The following PTPRD variants were observed in gnomAD, a reference collection of about 807,000 sequenced individuals.
PTPRD encodes the protein protein tyrosine phosphatase receptor type D, also known as receptor-type tyrosine-protein phosphatase delta.
Under a neutral mutation model 214.5 loss-of-function variants are expected in PTPRD, and 34 were observed. That is an observed-to-expected ratio of 0.16 (90% CI 0.12 to 0.21). The LOEUF (loss-of-function observed/expected upper bound fraction) is 0.21, where lower values mean the gene tolerates loss of function less well. PTPRD is among the 10% of genes least tolerant of loss of function. The probability of loss-of-function intolerance (pLI) is 1.00; values close to 1 mark genes in which losing one functional copy is unlikely to be tolerated. For synonymous variants in PTPRD, 1,128 were observed against 845.7 expected (o/e 1.33, Z -5.79); for missense variants, 2,545 against 2,398.7 (o/e 1.06, Z -1.27).
chr9:8,832,074 G>A (rs1470825975), intron 11 of PTPRD, among the ~76,000 whole-genome samples: 1 of 151,010 alleles, frequency 6.6e-6, no homozygotes, highest in African/African-American at 2.4e-5. Flanking sequence ...AATGCAAACA[G>A]TAGCCGGTGA....
In PTPRD at chr9:8,685,990, T is replaced by C. The variant is rs76170273; in HGVS notation, c.64+47790A>G. Among the ~76,000 whole-genome samples the C allele has an allele frequency of 4.8e-3, 730 of 152,320 alleles. 9 individuals carry two copies. Among genetic ancestry groups the C allele is most frequent in the African/African-American group, 0.017 (690 of 41,572 alleles). ...CATTTTGAGAAACATCTGTCCAGTC[T>C]GGCTCTTGGGGAGATGTTCAAAGAC... On this transcript the variant is annotated intron_variant, in intron 12 of 45. Transcript: ENST00000381196.
At chr9:8,627,938 C>A (rs926668632) in intron 14 of PTPRD, among the ~76,000 whole-genome samples, 1 of 151,906 alleles carries the variant, frequency 6.6e-6, no homozygotes, top group East Asian at 1.9e-4. Flanking sequence ...GAGGTACACA[C>A]GAAAGCTTTA....
At chr9:8,586,231 T>C (rs147580644) in intron 14 of PTPRD, among the ~76,000 whole-genome samples, 5,390 of 145,856 alleles carry the variant, frequency 0.037, 214 homozygotes, top group African/African-American at 0.11. Flanking sequence ...ACCCGGGAGG[T>C]GGAAGTTGCG....
chr9:10,193,042 A>G (rs2099378181), intron 3 of PTPRD, among the ~76,000 whole-genome samples: 1 of 152,086 alleles, frequency 6.6e-6, no homozygotes, highest in African/African-American at 2.4e-5. Flanking sequence ...AGTATAGGCC[A>G]ATTTTGTTTC....
intron 7 of PTPRD, among the ~76,000 whole-genome samples, chr9:9,609,006 A>G (rs1240106084): frequency 2.0e-5 from 3 of 152,134 alleles, no homozygotes; most frequent in Non-Finnish European, 4.4e-5. Context: ...GATTATACCC[A>G]ATTTCTCAAA....
At chr9:9,629,486 G>T (rs2095524256) in intron 7 of PTPRD, among the ~76,000 whole-genome samples, 1 of 152,182 alleles carries the variant, frequency 6.6e-6, no homozygotes, top group Admixed American at 6.5e-5. Context: ...GATGCTGATT[G>T]TAATTTGGGG....
At chr9:10,562,677 G>A (rs2131582573) in intron 2 of PTPRD, among the ~76,000 whole-genome samples, 1 of 152,110 alleles carries the variant, frequency 6.6e-6, no homozygotes, top group South Asian at 2.1e-4. Context: ...TAATTGTAAT[G>A]TGCCATGCAA....
At chr9:10,331,774 T>C (rs991532846) in intron 3 of PTPRD, among the ~76,000 whole-genome samples, 2 of 151,880 alleles carry the variant, frequency 1.3e-5, no homozygotes, top group Non-Finnish European at 2.9e-5. Flanking sequence ...TCCTTACTTA[T>C]TTTTATGCAA....
chr9:10,040,633 T>A (rs2097279655), intron 3 of PTPRD, among the ~76,000 whole-genome samples: 1 of 152,062 alleles, frequency 6.6e-6, no homozygotes, highest in Non-Finnish European at 1.5e-5. Context: ...GGAACTCACA[T>A]AGTTAACTTC....
At chr9:9,432,070 T>G (rs1278511148) in intron 8 of PTPRD, among the ~76,000 whole-genome samples, 2 of 147,402 alleles carry the variant, frequency 1.4e-5, no homozygotes, top group Non-Finnish European at 3.0e-5. Context: ...ATAATAATAA[T>G]AATAATAATA....
chr9:9,923,021 A>G (rs1301808304), intron 5 of PTPRD, among the ~76,000 whole-genome samples: 1 of 151,990 alleles, frequency 6.6e-6, no homozygotes, highest in Non-Finnish European at 1.5e-5. Flanking sequence ...GTAGGTAAGT[A>G]AGACTATCTT....
intron 3 of PTPRD, among the ~76,000 whole-genome samples, chr9:10,074,732 G>A (rs1296042287): frequency 2.6e-5 from 4 of 151,986 alleles, no homozygotes; most frequent in Non-Finnish European, 5.9e-5. Context: ...CACATGTTGT[G>A]CATTCAGCTT....
At chr9:9,005,042 T>C (rs1032209623) in intron 11 of PTPRD, among the ~76,000 whole-genome samples, 11 of 152,040 alleles carry the variant, frequency 7.2e-5, no homozygotes, top group African/African-American at 2.7e-4. Flanking sequence ...TTAGCCATGC[T>C]CTCTTTATGC....
In PTPRD at chr9:10,103,235, TC is replaced by T. The variant is rs547117695; in HGVS notation, c.-544-69446del. Among the ~76,000 whole-genome samples, 103 of 151,414 alleles carry T rather than the reference TC, an allele frequency of 6.8e-4. 1 individual carries two copies. In the South Asian group the frequency reaches 9.3e-3, roughly 14 times the overall value. On this transcript the variant is annotated intron_variant, in intron 3 of 45. Transcript: ENST00000381196. ...GCTTTTAATTACTTTATATAGCTTG[TC>T]CTTTTTAAGTAAATCTGGAGTTCCC...
chr9:9,431,414 G>C (rs1269133207), intron 8 of PTPRD, among the ~76,000 whole-genome samples: 4 of 152,136 alleles, frequency 2.6e-5, no homozygotes, highest in African/African-American at 9.7e-5. Flanking sequence ...ACAGGTGCTG[G>C]AGAGGATGTG....
intron 11 of PTPRD, among the ~76,000 whole-genome samples, chr9:8,858,840 C>G (rs1484447531): frequency 2.2e-5 from 3 of 135,046 alleles, no homozygotes; most frequent in Non-Finnish European, 4.9e-5. Flanking sequence ...TACACACACA[C>G]AGACACACAG....
chr9:8,895,421 T>C (rs2098601084), intron 11 of PTPRD, among the ~76,000 whole-genome samples: 1 of 152,144 alleles, frequency 6.6e-6, no homozygotes, highest in African/African-American at 2.4e-5. Context: ...GAGTTTTACT[T>C]TGGAAATTCA....
At chr9:9,997,433 G>T (rs2096163717) in intron 4 of PTPRD, among the ~76,000 whole-genome samples, 1 of 151,956 alleles carries the variant, frequency 6.6e-6, no homozygotes, top group Admixed American at 6.6e-5. Context: ...TTACAGACAG[G>T]CATGTGCCAT....
intron 5 of PTPRD, among the ~76,000 whole-genome samples, chr9:9,841,192 G>A (rs553384972): frequency 6.6e-6 from 1 of 152,102 alleles, no homozygotes; most frequent in Admixed American, 6.6e-5. Flanking sequence ...TCATACTGGG[G>A]GATAGGAGTA....
Sources: gnomAD v4.1 joint callset for allele counts (sites outside exome capture counted in the v4.1 genomes callset) on GRCh38, gnomAD v4.1.1 for gene constraint, MANE v1.5 for transcripts, NCBI Gene and HGNC (gene_info 2026-07-23, HGNC 2026-07-21) for gene names.